Variants in AZIN1 observed in about 807,000 individuals in gnomAD.
AZIN1 encodes the protein ornithine decarboxylase antizyme inhibitor.
Under a neutral mutation model 47.4 loss-of-function variants are expected in AZIN1, and 12 were observed. That is an observed-to-expected ratio of 0.25 (90% CI 0.16 to 0.41). The LOEUF (loss-of-function observed/expected upper bound fraction) is 0.41. AZIN1 is among the 10% of genes least tolerant of loss of function. AZIN1 has a pLI of 1.00. For missense variants in AZIN1, 410 were observed against 532.4 expected, an observed-to-expected ratio of 0.77 and a Z score of 2.26; for synonymous variants, 155 against 176.3, an observed-to-expected ratio of 0.88 and a Z score of 0.96.
In AZIN1 at chr8:102,839,755, A is replaced by T; in HGVS notation, c.171T>A (p.Asn57Lys). The change falls in exon 4 of 12, where the codon AAT becomes AAA. Residue 57 changes from asparagine to lysine, a missense_variant. Coordinates refer to ENST00000337198, the MANE Select transcript of AZIN1 (RefSeq NM_148174.4). ...AGAATGGCTTTATCTGAGCCACTACATTCTGCCATTGACTGTGTTTCTTCA... is the reference window on the plus strand; with the variant it reads ...AGAATGGCTTTATCTGAGCCACTACTTTCTGCCATTGACTGTGTTTCTTCA... ...KIVKKHSQWQ[N>K]VVAQIKPFYT... 1 of 1,608,854 alleles carries T rather than the reference A, an allele frequency of 6.2e-7. No homozygotes were observed. Among genetic ancestry groups the T allele is most frequent in the Non-Finnish European group, 8.5e-7 (1 of 1,177,196 alleles).
At position 102,838,810 on chromosome 8, in the gene AZIN1, A is replaced by G; in HGVS notation, c.383T>C (p.Val128Ala). The G allele has an allele frequency of 6.2e-7, 1 of 1,613,750 alleles. No homozygotes were observed. The highest frequency in any genetic ancestry group is 8.5e-7 in the Non-Finnish European group (1 of 1,179,866). ...SQIKYAAKVG[V>A]NILTCDNEIE... Reference sequence around the variant, plus strand: ...TTCATTGTCACATGTCAGGATATTCACTCCAACTTTTGCTGCATACTTTAT... The same window carrying G: ...TTCATTGTCACATGTCAGGATATTCGCTCCAACTTTTGCTGCATACTTTAT... Residue 128 changes from valine (V) to alanine (A), a missense_variant, in exon 5 of 12, where the codon GTG becomes GCG. This residue lies in a region of AZIN1 where 237 missense variants were observed against 309.4 expected (regional missense o/e 0.77). Transcript: ENST00000337198.
chr8:102,846,720 C>A (rs193292690), intron 2 of AZIN1, among the ~76,000 whole-genome samples: 56 of 152,204 alleles, frequency 3.7e-4, no homozygotes, highest in African/African-American at 1.3e-3. Flanking sequence ...TCAACTAACC[C>A]CTTTCAGACA....
In AZIN1 at chr8:102,828,712, T is replaced by G. The variant is rs569837868; in HGVS notation, c.1236-34A>C. Reference sequence around the variant, plus strand: ...AAAAAAAATCAGCTAAATTCTCAGTTTAAGCCCAAAGACCACGTAATCACA... The same window carrying G: ...AAAAAAAATCAGCTAAATTCTCAGTGTAAGCCCAAAGACCACGTAATCACA... On this transcript the variant is annotated intron_variant, in intron 11 of 11. Coordinates refer to ENST00000337198, the MANE Select transcript of AZIN1 (RefSeq NM_148174.4). 4 of 1,452,724 alleles carry G rather than the reference T, an allele frequency of 2.8e-6. No individual in the cohort carries two copies. The South Asian group carries it at 3.5e-5, about 13-fold the overall frequency. The allele number at this position is 1,452,724 out of a possible 1,614,324, so 90.0% of individuals were successfully genotyped here.
chr8:102,845,011 G>A (rs1306256687), intron 2 of AZIN1, among the ~76,000 whole-genome samples: 1 of 152,192 alleles, frequency 6.6e-6, no homozygotes, highest in East Asian at 1.9e-4. Flanking sequence ...CCACCAGACA[G>A]GATACTACTC....
intron 4 of AZIN1, 29 bp downstream of exon 4, chr8:102,839,621 A>C: frequency 1.4e-6 from 2 of 1,473,668 alleles, no homozygotes; most frequent in Non-Finnish European, 1.8e-6. Context: ...TCAATGTTTC[A>C]GTTTAGTTAA....
intron 1 of AZIN1, among the ~76,000 whole-genome samples, chr8:102,860,419 T>A (rs959181227): frequency 6.6e-6 from 1 of 152,128 alleles, no homozygotes; most frequent in East Asian, 1.9e-4. Flanking sequence ...TGTGCCACCA[T>A]GCCCGGCTAA....
intron 1 of AZIN1, among the ~76,000 whole-genome samples, chr8:102,858,450 GCTTTT>G (rs1813427141): frequency 6.6e-6 from 1 of 151,802 alleles, no homozygotes; most frequent in Admixed American, 6.6e-5. Flanking sequence ...CTTCATTTTT[GCTTTT>G]ATTTGTCCTC....
intron 8 of AZIN1, among the ~76,000 whole-genome samples, chr8:102,833,472 G>GTT (rs3214632): frequency 1.2e-4 from 18 of 150,374 alleles, no homozygotes; most frequent in South Asian, 2.1e-4. Flanking sequence ...ATTTGTTTTT[G>GTT]TTTTTTTTTA....
At chr8:102,848,876 T>C (rs546943758) in intron 2 of AZIN1, among the ~76,000 whole-genome samples, 1 of 152,320 alleles carries the variant, frequency 6.6e-6, no homozygotes, top group South Asian at 2.1e-4. Context: ...TTAAAGTTAA[T>C]TGGCGACAAT....
At chr8:102,855,665 T>G (rs1439036651) in intron 2 of AZIN1, 1 of 152,228 alleles carries the variant, frequency 6.6e-6, no homozygotes, top group Non-Finnish European at 1.5e-5. Context: ...TATAGCTACA[T>G]GCTTTGCAAT....
At chr8:102,860,863 A>G (rs1991928) in intron 1 of AZIN1, among the ~76,000 whole-genome samples, 32,653 of 152,084 alleles carry the variant, frequency 0.21, 4,068 homozygotes, top group South Asian at 0.38. Flanking sequence ...GTAAACCCCA[A>G]GTTTAGGGGA....
Position 102,828,651 on chromosome 8 carries a change from A to G in AZIN1, c.1263T>C (p.Thr421=). The G allele has an allele frequency of 6.2e-7, 1 of 1,610,080 alleles. No homozygotes were observed. Among genetic ancestry groups the G allele is most frequent in the Non-Finnish European group, 8.5e-7 (1 of 1,177,000 alleles). The change falls in exon 12 of 12, where the codon ACT becomes ACC. Residue 421 remains threonine, a synonymous_variant. Transcript: ENST00000337198. Reference sequence around the variant, plus strand: ...AGAAGTTCTTCATCATTGAGTCTGAAGTAATTCCAGCATCTTGCATCTCAT... The same window carrying G: ...AGAAGTTCTTCATCATTGAGTCTGAGGTAATTCCAGCATCTTGCATCTCAT... The part of the protein sequence containing the change: ...DWYEMQDAGI[T]SDSMMKNFFF...
chr8:102,838,828 T>C lies in AZIN1; in HGVS notation c.365A>G (p.Tyr122Cys). The change falls in exon 5 of 12, where the codon TAT becomes TGT. Residue 122 changes from tyrosine (Y) to cysteine (C), a missense_variant. Tyr to Cys is a radical substitution (Grantham distance 194). Coordinates refer to ENST00000337198, the MANE Select transcript of AZIN1 (RefSeq NM_148174.4). ...SPCKQVSQIK[Y>C]AAKVGVNILT... The stretch of plus-strand genomic sequence containing the variant: ...GATATTCACTCCAACTTTTGCTGCA[T>C]ACTTTATCTGAGACACTTGCTTGCA... The C allele has an allele frequency of 6.2e-7, 1 of 1,614,072 alleles. No homozygotes were observed.
At position 102,834,271 on chromosome 8, in the gene AZIN1, T is replaced by C. The variant is rs1351720253; in HGVS notation, c.667-8A>G. 3.1e-6 allele frequency: 5 copies of C among 1,603,802 alleles called. No homozygotes were observed. In the African/African-American group the frequency reaches 5.4e-5, roughly 17 times the overall value. ...CGTAAAGCCAATTTCTCCCTAGAGATGGAAAAAAAAAATTTAAATGTTTTT... is the reference window on the plus strand; with the variant it reads ...CGTAAAGCCAATTTCTCCCTAGAGACGGAAAAAAAAAATTTAAATGTTTTT... On this transcript the variant is annotated splice_region_variant and splice_polypyrimidine_tract_variant and intron_variant, in intron 7 of 11. Coordinates refer to ENST00000337198, the MANE Select transcript of AZIN1 (RefSeq NM_148174.4).
intron 3 of AZIN1, among the ~76,000 whole-genome samples, chr8:102,840,866 G>A (rs1234241362): frequency 2.0e-5 from 3 of 152,228 alleles, no homozygotes; most frequent in East Asian, 1.9e-4. Flanking sequence ...ATTATGTGCA[G>A]CAGAATTTTA....
At chr8:102,854,626 A>ATATATATTTTTTATATATATATATTTT (rs748560222) in intron 2 of AZIN1, 2 of 136,700 alleles carry the variant, frequency 1.5e-5, no homozygotes, top group Non-Finnish European at 3.1e-5. Context: ...ATATATATAT[A>ATATATATTTTTTATATATATATATTTT]TTTTTTTTCC....
At chr8:102,846,085 T>G (rs1425094167) in intron 2 of AZIN1, among the ~76,000 whole-genome samples, 1 of 152,214 alleles carries the variant, frequency 6.6e-6, no homozygotes, top group Admixed American at 6.5e-5. Context: ...TAGTACTTAG[T>G]TGAAAACCTT....
chr8:102,863,753 C>G (rs931321186), intron 1 of AZIN1, 54 bp downstream of exon 1: 1 of 152,530 alleles, frequency 6.6e-6, no homozygotes, highest in Non-Finnish European at 1.5e-5. Context: ...CAGCCGCCCC[C>G]CAAGGCCAGC....
At chr8:102,857,717 T>C (rs143199462) in intron 2 of AZIN1, among the ~76,000 whole-genome samples, 25 of 152,286 alleles carry the variant, frequency 1.6e-4, no homozygotes, top group African/African-American at 5.8e-4. Context: ...CTAAGTTAAA[T>C]GGTTGAATGA....
Sources: allele counts gnomAD v4.1 joint callset (sites outside exome capture counted in the v4.1 genomes callset), GRCh38; gene constraint gnomAD v4.1.1; regional missense constraint gnomAD v4.1.1; transcripts MANE v1.5; gene names NCBI Gene and HGNC (gene_info 2026-07-23, HGNC 2026-07-21).